C1orf146: variants seen among roughly 807,000 people sequenced by gnomAD.
The protein encoded by C1orf146 is protein SPO16 homolog.
C1orf146 carries 22 observed loss-of-function variants against 23.0 expected under a neutral mutation model. The observed-to-expected ratio is 0.96, with a 90% CI of 0.68 to 1.36. The LOEUF (loss-of-function observed/expected upper bound fraction) is 1.36, where lower values mean the gene tolerates loss of function less well. Ranked by LOEUF, C1orf146 falls within the 40% of genes most tolerant of loss-of-function variation. The probability of loss-of-function intolerance (pLI) is 0.00; values close to 1 mark genes in which losing one functional copy is unlikely to be tolerated. For synonymous variants in C1orf146, 59 were observed against 65.3 expected (o/e 0.90, Z 0.47); for missense variants, 199 against 206.8 (o/e 0.96, Z 0.23).
chr1:92,222,535 G>GTTTTTTTTTTT, intron 1 of C1orf146, among the ~76,000 whole-genome samples: 2 of 60,580 alleles, frequency 3.3e-5, no homozygotes, highest in African/African-American at 7.1e-5. Flanking sequence ...CCCTTCTTCG[G>GTTTTTTTTTTT]TTTTTTTTTT....
At chr1:92,228,176 A>G (rs931369) in intron 1 of C1orf146, among the ~76,000 whole-genome samples, 151,841 of 152,334 alleles carry the variant, frequency 1, 75,680 homozygotes, top group Non-Finnish European at 1. Flanking sequence ...CCTATCCATT[A>G]AATTGTTTCC....
In C1orf146 at chr1:92,244,211, T is replaced by C. The variant is rs1469883822; in HGVS notation, c.161-6T>C. ...TGACATTTTATATTCAATTCACCTT[T>C]CCTAGGAGTTGCATTTTTATTAATG... On this transcript the variant is annotated splice_polypyrimidine_tract_variant and splice_region_variant and intron_variant, in intron 3 of 5. Coordinates refer to ENST00000370375, the MANE Select transcript of C1orf146 (RefSeq NM_001012425.2). 1 of 1,570,218 alleles carries C rather than the reference T, an allele frequency of 6.4e-7. No individual in the cohort carries two copies. The highest frequency in any genetic ancestry group is 2.2e-5 in the East Asian group (1 of 44,594).
intron 1 of C1orf146, among the ~76,000 whole-genome samples, chr1:92,231,080 G>T (rs1360773189): frequency 6.6e-6 from 1 of 152,124 alleles, no homozygotes; most frequent in East Asian, 1.9e-4. Flanking sequence ...TGAAACTCTG[G>T]CAGGCTAACT....
At chr1:92,229,173 C>T (rs1557486879) in intron 1 of C1orf146, 2 of 532,366 alleles carry the variant, frequency 3.8e-6, no homozygotes, top group Non-Finnish European at 7.5e-6. Flanking sequence ...CTTCATGGTG[C>T]TAGGTGCCAG....
intron 1 of C1orf146, among the ~76,000 whole-genome samples, chr1:92,219,254 A>G (rs1441130902): frequency 3.3e-5 from 5 of 152,236 alleles, no homozygotes; most frequent in Non-Finnish European, 7.4e-5. Context: ...TCATTCACAA[A>G]TCTTTGAGTG....
chr1:92,231,867 C>A (rs987779576), intron 2 of C1orf146, among the ~76,000 whole-genome samples: 1 of 152,052 alleles, frequency 6.6e-6, no homozygotes, highest in Non-Finnish European at 1.5e-5. Flanking sequence ...GAGACTGTCT[C>A]CTTATGGTTT....
At position 92,219,496 on chromosome 1, in the gene C1orf146, C is replaced by CTTTTTTT. The variant is rs71091269; in HGVS notation, c.-40+1467_-40+1473dup. Among the ~76,000 whole-genome samples, 138 of 81,080 alleles carry CTTTTTTT rather than the reference C, an allele frequency of 1.7e-3. 8 individuals are homozygous for CTTTTTTT. Among genetic ancestry groups the CTTTTTTT allele is most frequent in the African/African-American group, 2.7e-3 (53 of 19,936 alleles). The allele number at this position is 81,080 out of a possible 152,430, so 53.2% of individuals were successfully genotyped here. A position where few individuals can be genotyped will look rare whatever the true frequency, so the allele number is the denominator to read the frequency against. The stretch of plus-strand genomic sequence containing the variant: ...CATCACTGAAAGTGACTTTCTCTTT[C>CTTTTTTT]TTTTTTTTTTTTTTTTTTTTTTTTT... On this transcript the variant is annotated intron_variant, in intron 1 of 5. Coordinates refer to ENST00000370375, the MANE Select transcript of C1orf146 (RefSeq NM_001012425.2).
chr1:92,239,681 G>A (rs552127959), intron 2 of C1orf146, among the ~76,000 whole-genome samples: 2 of 151,930 alleles, frequency 1.3e-5, no homozygotes, highest in South Asian at 2.1e-4. Context: ...GAATCTGGGA[G>A]GCAGAGGTTG....
At chr1:92,237,881 C>A (rs887679457) in intron 2 of C1orf146, among the ~76,000 whole-genome samples, 4 of 152,072 alleles carry the variant, frequency 2.6e-5, no homozygotes, top group Non-Finnish European at 5.9e-5. Context: ...CCTTTTCATT[C>A]CTGTTTTTAC....
chr1:92,225,575 A>G (rs1023609463), intron 1 of C1orf146, among the ~76,000 whole-genome samples: 1 of 152,146 alleles, frequency 6.6e-6, no homozygotes, highest in African/African-American at 2.4e-5. Flanking sequence ...TTTGATTTCC[A>G]AGTATTCATG....
Position 92,231,502 on chromosome 1 carries a change from G to A in C1orf146, c.66+16G>A. ...ATCTCTTAAGGTAAAGGGGCATTTG[G>A]GCCACTGATCTTTAACTTAAAAAAA... On this transcript the variant is annotated intron_variant, in intron 2 of 5. Transcript: ENST00000370375. 6.4e-7 allele frequency: 1 copy of A among 1,568,666 alleles called. No individual in the cohort carries two copies.
chr1:92,220,530 A>G (rs1257377534), intron 1 of C1orf146, among the ~76,000 whole-genome samples: 1 of 152,220 alleles, frequency 6.6e-6, no homozygotes, highest in East Asian at 1.9e-4. Context: ...ATGTTAATGT[A>G]CTGAATACTG....
At chr1:92,229,073 G>A (rs1221371046) in intron 1 of C1orf146, 5 of 495,814 alleles carry the variant, frequency 1.0e-5, no homozygotes, top group African/African-American at 9.9e-5. Context: ...GCTTGCTAGT[G>A]CACATCTGCT....
intron 2 of C1orf146, among the ~76,000 whole-genome samples, chr1:92,235,057 C>A (rs1652242128): frequency 6.6e-6 from 1 of 152,066 alleles, no homozygotes; most frequent in Non-Finnish European, 1.5e-5. Flanking sequence ...TTTCAAAAAA[C>A]CAGCTCCTGG....
In C1orf146 at chr1:92,245,799, GATTTT is replaced by G. The variant is rs1454679327; in HGVS notation, c.*132_*136del. The G allele has an allele frequency of 5.1e-5, 32 of 629,360 alleles. No individual in the cohort carries two copies. The highest frequency in any genetic ancestry group is 4.8e-4 in the East Asian group (14 of 29,272). 39.0% of individuals were successfully genotyped at this position (629,360 alleles called of 1,614,324 possible). ...AATAATAACATATACAATTAAAAGT[GATTTT>G]ATTTTAGGAGTTTCGCTGCAAGATT... is the stretch of plus-strand genomic sequence containing the variant. On this transcript the variant is annotated 3_prime_UTR_variant, in exon 6 of 6. Coordinates refer to ENST00000370375, the MANE Select transcript of C1orf146 (RefSeq NM_001012425.2).
intron 1 of C1orf146, chr1:92,229,391 G>A (rs941638009): frequency 1.7e-5 from 9 of 538,812 alleles, no homozygotes; most frequent in Non-Finnish European, 3.4e-5. Context: ...GTTCGTTGCC[G>A]ATGGTGATGA....
chr1:92,245,043 C>T (rs940568286), intron 5 of C1orf146, among the ~76,000 whole-genome samples, 186 bp downstream of exon 5: 1 of 152,178 alleles, frequency 6.6e-6, no homozygotes, highest in African/African-American at 2.4e-5. Context: ...CTTCCAGTAG[C>T]CACTACCATT....
At chr1:92,231,789 TA>T (rs780870983) in intron 2 of C1orf146, among the ~76,000 whole-genome samples, 48 of 151,846 alleles carry the variant, frequency 3.2e-4, no homozygotes, top group Non-Finnish European at 6.0e-4. Context: ...TGCAAATATA[TA>T]TTAGTTAAGG....
chr1:92,230,775 A>C lies in C1orf146; in HGVS notation c.-39-607A>C, dbSNP rs540771496. Among the ~76,000 whole-genome samples, 6 of 152,244 alleles carry C rather than the reference A, an allele frequency of 3.9e-5. No individual in the cohort carries two copies. In the South Asian group the frequency reaches 1.2e-3, roughly 32 times the overall value. ...TAAAAGAGTGAGACCCTCTTTAAAAAAAAATGCAAATATTCAGGTCCTACC... is the reference window on the plus strand; with the variant it reads ...TAAAAGAGTGAGACCCTCTTTAAAACAAAATGCAAATATTCAGGTCCTACC... On this transcript the variant is annotated intron_variant, in intron 1 of 5. Transcript: ENST00000370375.
Sources: gnomAD v4.1 joint callset for allele counts (sites outside exome capture counted in the v4.1 genomes callset) on GRCh38, gnomAD v4.1.1 for gene constraint, MANE v1.5 for transcripts, NCBI Gene and HGNC (gene_info 2026-07-23, HGNC 2026-07-21) for gene names.